Variants in CLPB observed in about 807,000 individuals in gnomAD.
CLPB encodes the protein mitochondrial disaggregase.
CLPB carries 40 observed loss-of-function variants against 78.4 expected under a neutral mutation model. The observed-to-expected ratio is 0.51, with a 90% CI of 0.40 to 0.66. The LOEUF is 0.66. CLPB is among the 30% of genes least tolerant of loss of function. The pLI is 0.00. For synonymous variants in CLPB, 333 were observed against 348.0 expected (o/e 0.96, Z 0.48); for missense variants, 780 against 886.9 (o/e 0.88, Z 1.53).
chr11:72,313,656 C>T (rs944585534), intron 7 of CLPB, among the ~76,000 whole-genome samples: 1 of 152,184 alleles, frequency 6.6e-6, no homozygotes, highest in African/African-American at 2.4e-5. Flanking sequence ...AGGAGGGCAA[C>T]CTGCAGAAGG....
chr11:72,411,206 C>T (rs1855867133), intron 2 of CLPB, among the ~76,000 whole-genome samples: 1 of 152,240 alleles, frequency 6.6e-6, no homozygotes, highest in Non-Finnish European at 1.5e-5. Context: ...ACAGCACTTA[C>T]CTACATTAAC....
intron 3 of CLPB, among the ~76,000 whole-genome samples, chr11:72,381,093 T>C (rs1206729607): frequency 6.6e-6 from 1 of 152,054 alleles, no homozygotes; most frequent in Non-Finnish European, 1.5e-5. Flanking sequence ...GTAAACCAAA[T>C]GAGAGATTAT....
intron 7 of CLPB, 31 bp from the exon 8 acceptor site, chr11:72,308,635 G>A: frequency 6.3e-7 from 1 of 1,582,790 alleles, no homozygotes; most frequent in South Asian, 1.1e-5. Context: ...TCAGGGGACA[G>A]GGAGGGAGGC....
chr11:72,293,671 C>T (rs1156717599), intron 15 of CLPB, 56 bp from the exon 16 acceptor site: 28 of 1,557,492 alleles, frequency 1.8e-5, no homozygotes, highest in Non-Finnish European at 2.3e-5. Context: ...GCTTGGAGGT[C>T]GGCCTCCATC....
chr11:72,388,702 C>T (rs1409913224), intron 3 of CLPB, among the ~76,000 whole-genome samples: 3 of 152,152 alleles, frequency 2.0e-5, no homozygotes, highest in Non-Finnish European at 2.9e-5. Flanking sequence ...CCTTCATGTA[C>T]TTATAAAGTA....
At chr11:72,366,318 G>A (rs530660853) in intron 4 of CLPB, among the ~76,000 whole-genome samples, 85 of 152,232 alleles carry the variant, frequency 5.6e-4, no homozygotes, top group Non-Finnish European at 1.9e-4. Flanking sequence ...AGGCTCAAGC[G>A]ATTCCTCTGT....
At chr11:72,294,176 A>C (rs1039412370) in intron 14 of CLPB, 50 bp from the exon 15 acceptor site, 1 of 1,608,524 alleles carries the variant, frequency 6.2e-7, no homozygotes, top group Non-Finnish European at 8.5e-7. Context: ...ACTGCTTTCC[A>C]TCTCTTGCCA....
At chr11:72,309,551 TAGTA>T in intron 7 of CLPB, among the ~76,000 whole-genome samples, 1 of 152,096 alleles carries the variant, frequency 6.6e-6, no homozygotes, top group East Asian at 1.9e-4. Flanking sequence ...GAGAGGAAAG[TAGTA>T]TTCTCAACTC....
intron 4 of CLPB, among the ~76,000 whole-genome samples, chr11:72,365,369 A>C (rs1439762464): frequency 1.3e-5 from 2 of 152,216 alleles, no homozygotes; most frequent in Non-Finnish European, 1.5e-5. Flanking sequence ...AGATTAGGCA[A>C]ATCTATGGAG....
In CLPB at chr11:72,293,592, C is replaced by T; in HGVS notation, c.1809G>A (p.Gln603=). The T allele has an allele frequency of 6.2e-7, 1 of 1,612,526 alleles. No individual in the cohort carries two copies. The highest frequency in any genetic ancestry group is 1.1e-5 in the South Asian group (1 of 91,030). The change falls in exon 16 of 16, where the codon CAG becomes CAA. Residue 603 remains glutamine (Q), a synonymous_variant. Transcript: ENST00000538039. The stretch of plus-strand genomic sequence containing the variant: ...GGTCCTGCTCATAGGCTGCTGCCAG[C>T]TGGTTCACCACACGGCGTTCTACCT... The part of the protein sequence containing the change: ...KHEVERRVVN[Q]LAAAYEQDLL...
intron 3 of CLPB, among the ~76,000 whole-genome samples, chr11:72,402,135 C>T (rs1158302381): frequency 1.3e-5 from 2 of 152,110 alleles, no homozygotes; most frequent in Non-Finnish European, 2.9e-5. Flanking sequence ...TGGTGCATAC[C>T]TGTAGTCCTA....
chr11:72,310,120 C>A (rs1253255841), intron 7 of CLPB, among the ~76,000 whole-genome samples: 1 of 152,144 alleles, frequency 6.6e-6, no homozygotes, highest in Non-Finnish European at 1.5e-5. Flanking sequence ...TGGGACCAGA[C>A]TGTGAAGGTC....
chr11:72,311,316 T>C (rs1001253217), intron 7 of CLPB, among the ~76,000 whole-genome samples: 1 of 152,184 alleles, frequency 6.6e-6, no homozygotes, highest in Admixed American at 6.5e-5. Flanking sequence ...GTGGCCATAG[T>C]TGTTGTTGCT....
intron 2 of CLPB, among the ~76,000 whole-genome samples, chr11:72,416,895 T>C (rs1213469043): frequency 1.3e-5 from 2 of 152,196 alleles, no homozygotes; most frequent in South Asian, 4.1e-4. Context: ...AGGTTTGCTG[T>C]AAGTGATGAC....
At chr11:72,355,568 G>GA (rs1231837165) in intron 5 of CLPB, among the ~76,000 whole-genome samples, 1 of 152,192 alleles carries the variant, frequency 6.6e-6, no homozygotes, top group Non-Finnish European at 1.5e-5. Flanking sequence ...TTAGATGTAC[G>GA]AAAACTGAGG....
intron 6 of CLPB, among the ~76,000 whole-genome samples, chr11:72,321,879 G>A (rs943109432): frequency 3.9e-5 from 6 of 151,928 alleles, no homozygotes; most frequent in Non-Finnish European, 7.4e-5. Flanking sequence ...TATCACAGTC[G>A]GGGCTTCTAC....
intron 5 of CLPB, among the ~76,000 whole-genome samples, chr11:72,344,383 T>G (rs918049537): frequency 6.7e-6 from 1 of 148,540 alleles, no homozygotes. Flanking sequence ...ATTTTTGTAT[T>G]TTTTTTTTTG....
chr11:72,321,083 G>T (rs1421923763), intron 6 of CLPB, among the ~76,000 whole-genome samples: 7 of 151,376 alleles, frequency 4.6e-5, no homozygotes, highest in African/African-American at 1.7e-4. Context: ...AAATACTTGA[G>T]ATATATATAT....
chr11:72,408,571 G>A (rs7129700), intron 2 of CLPB, among the ~76,000 whole-genome samples: 5,537 of 151,354 alleles, frequency 0.037, 304 homozygotes, highest in African/African-American at 0.12. Context: ...GGAGGCTGAG[G>A]CAGGAGAATC....
Sources: gnomAD v4.1 joint callset for allele counts (sites outside exome capture counted in the v4.1 genomes callset) on GRCh38, gnomAD v4.1.1 for gene constraint, MANE v1.5 for transcripts, NCBI Gene and HGNC (gene_info 2026-07-23, HGNC 2026-07-21) for gene names.